The following LDLRAD4 variants were observed in gnomAD, a reference collection of about 807,000 sequenced individuals.
The protein encoded by LDLRAD4 is low-density lipoprotein receptor class A domain-containing protein 4.
Under a neutral mutation model 17.0 loss-of-function variants are expected in LDLRAD4, and 5 were observed. The observed-to-expected ratio is 0.29, with a 90% CI of 0.15 to 0.62. The LOEUF (loss-of-function observed/expected upper bound fraction) is 0.62. Among genes scored for constraint, LDLRAD4 ranks in the 20% least tolerant of loss-of-function variants. LDLRAD4 has a pLI of 0.84. For synonymous variants in LDLRAD4, 168 were observed against 171.8 expected (o/e 0.98, Z 0.17); for missense variants, 340 against 424.7 (o/e 0.80, Z 1.75).
chr18:13,463,076 G>A (rs2092488514), intron 3 of LDLRAD4, among the ~76,000 whole-genome samples: 2 of 152,132 alleles, frequency 1.3e-5, no homozygotes, highest in Admixed American at 6.5e-5. Context: ...CCGAGACCAA[G>A]AATCTCCACG....
At chr18:13,515,396 G>C (rs1279824092) in intron 3 of LDLRAD4, 1 of 152,240 alleles carries the variant, frequency 6.6e-6, no homozygotes, top group African/African-American at 2.4e-5. Context: ...ATGTCACTTT[G>C]AATGTAACTT....
intron 3 of LDLRAD4, chr18:13,486,770 A>G (rs2093233841): frequency 6.6e-6 from 1 of 152,186 alleles, no homozygotes; most frequent in East Asian, 1.9e-4. Context: ...TCACTTTAAA[A>G]TGGTTGTGTA....
At chr18:13,542,655 TAAG>T (rs2094301601) in intron 3 of LDLRAD4, among the ~76,000 whole-genome samples, 1 of 152,162 alleles carries the variant, frequency 6.6e-6, no homozygotes, top group Non-Finnish European at 1.5e-5. Context: ...AGGGAGAAGA[TAAG>T]GAGGCGGGGC....
At chr18:13,493,832 C>G (rs1290966025) in intron 3 of LDLRAD4, among the ~76,000 whole-genome samples, 4 of 152,234 alleles carry the variant, frequency 2.6e-5, no homozygotes. Flanking sequence ...CCGTCCCTGC[C>G]TCCAGCCCCG....
intron 3 of LDLRAD4, among the ~76,000 whole-genome samples, chr18:13,450,332 C>CA (rs1568173366): frequency 1.6e-5 from 2 of 121,618 alleles, no homozygotes; most frequent in Non-Finnish European, 3.6e-5. Context: ...CCCCACCCCC[C>CA]CCCCCAAAAA....
chr18:13,446,935 A>T (rs143681372), intron 3 of LDLRAD4, among the ~76,000 whole-genome samples: 2 of 152,106 alleles, frequency 1.3e-5, no homozygotes, highest in East Asian at 3.9e-4. Flanking sequence ...TGGACTTCCC[A>T]TGTTGACGTT....
At chr18:13,310,924 C>T (rs949337969) in intron 1 of LDLRAD4, among the ~76,000 whole-genome samples, 3 of 152,264 alleles carry the variant, frequency 2.0e-5, no homozygotes, top group African/African-American at 4.8e-5. Context: ...TCCAGAGAGA[C>T]GTAAGTTCAA....
chr18:13,643,811 A>G (rs2042828439), intron 5 of LDLRAD4, among the ~76,000 whole-genome samples: 1 of 152,276 alleles, frequency 6.6e-6, no homozygotes, highest in Non-Finnish European at 1.5e-5. Context: ...GGTGTGAGAG[A>G]AATCAATATC....
At chr18:13,347,819 A>AT (rs1242452082) in intron 1 of LDLRAD4, among the ~76,000 whole-genome samples, 1 of 151,964 alleles carries the variant, frequency 6.6e-6, no homozygotes, top group Non-Finnish European at 1.5e-5. Flanking sequence ...CATTTCATTC[A>AT]TTTGATCTTC....
At chr18:13,451,751 A>T (rs1254157682) in intron 3 of LDLRAD4, among the ~76,000 whole-genome samples, 2 of 152,150 alleles carry the variant, frequency 1.3e-5, no homozygotes, top group Admixed American at 1.3e-4. Context: ...ATGTGCTTAC[A>T]TGGCAGAAGG....
chr18:13,491,576 T>A (rs572195036), intron 3 of LDLRAD4: 1 of 152,340 alleles, frequency 6.6e-6, no homozygotes, highest in South Asian at 2.1e-4. Context: ...TTAAAGATTA[T>A]ATGTAGTGTT....
chr18:13,597,313 T>C (rs1014764558), intron 3 of LDLRAD4, among the ~76,000 whole-genome samples: 1 of 152,222 alleles, frequency 6.6e-6, no homozygotes, highest in Non-Finnish European at 1.5e-5. Flanking sequence ...ATCTTATAAA[T>C]GATGAGTCAT....
intron 1 of LDLRAD4, among the ~76,000 whole-genome samples, chr18:13,220,265 G>A (rs1005847971): frequency 1.3e-5 from 2 of 152,156 alleles, no homozygotes; most frequent in Non-Finnish European, 2.9e-5. Flanking sequence ...TTGCTGTAAT[G>A]GAATTGTAGC....
intron 2 of LDLRAD4, among the ~76,000 whole-genome samples, chr18:13,402,071 A>G (rs1469988197): frequency 6.6e-6 from 1 of 152,226 alleles, no homozygotes; most frequent in Non-Finnish European, 1.5e-5. Context: ...CTCACCTAAA[A>G]TGAGAACATC....
At chr18:13,635,837 C>T (rs1248768533) in intron 4 of LDLRAD4, among the ~76,000 whole-genome samples, 1 of 152,196 alleles carries the variant, frequency 6.6e-6, no homozygotes, top group Admixed American at 6.5e-5. Flanking sequence ...TCCGGAGCTG[C>T]CCTTGGGGGC....
At chr18:13,504,251 A>G (rs187141058) in intron 3 of LDLRAD4, among the ~76,000 whole-genome samples, 4 of 152,260 alleles carry the variant, frequency 2.6e-5, no homozygotes, top group African/African-American at 9.6e-5. Flanking sequence ...GCTTTTATCA[A>G]CCTAAAGCAT....
intron 3 of LDLRAD4, among the ~76,000 whole-genome samples, chr18:13,502,149 G>T (rs1332352786): frequency 6.6e-6 from 1 of 152,248 alleles, no homozygotes; most frequent in Non-Finnish European, 1.5e-5. Context: ...CATTTCAGCT[G>T]CTCTGATTGT....
At position 13,370,715 on chromosome 18, in the gene LDLRAD4, T is replaced by TTTTTTGTTTTTTTG. The variant is rs1555663259; in HGVS notation, c.-382-16621_-382-16620insGTTTTTTTGTTTTT. On this transcript the variant is annotated intron_variant, in intron 1 of 5. Transcript: ENST00000359446. ...TCTCTTTCATGGTTTTTTGTTTTGT[T>TTTTTTGTTTTTTTG]TTTTTTTTTTTTTGAGATGGATTCT... Among the ~76,000 whole-genome samples the TTTTTTGTTTTTTTG allele has an allele frequency of 3.3e-5, 4 of 121,000 alleles. 1 individual carries two copies. The highest frequency in any genetic ancestry group is 1.7e-4 in the Admixed American group (2 of 11,700). The allele number at this position is 121,000 out of a possible 152,430, so 79.4% of individuals were successfully genotyped here.
intron 1 of LDLRAD4, among the ~76,000 whole-genome samples, chr18:13,305,578 G>A (rs919303131): frequency 3.5e-4 from 53 of 152,182 alleles, no homozygotes; most frequent in African/African-American, 1.2e-3. Context: ...AAACCCATAG[G>A]AAGTACCCCT....
Sources: allele counts gnomAD v4.1 joint callset (sites outside exome capture counted in the v4.1 genomes callset), GRCh38; gene constraint gnomAD v4.1.1; transcripts MANE v1.5; gene names NCBI Gene and HGNC (gene_info 2026-07-23, HGNC 2026-07-21).